RAB33B: variants seen among roughly 807,000 people sequenced by gnomAD.
RAB33B encodes RAB33B, member RAS oncogene family.
In RAB33B, 6 loss-of-function variants were observed where a neutral mutation model predicts 15.0. That is an observed-to-expected ratio of 0.40 (90% CI 0.22 to 0.79). The LOEUF (loss-of-function observed/expected upper bound fraction) is 0.79. RAB33B is among the 30% of genes least tolerant of loss of function. The probability of loss-of-function intolerance (pLI) is 0.37; values close to 1 mark genes in which losing one functional copy is unlikely to be tolerated. For missense variants in RAB33B, 257 were observed against 296.4 expected, an observed-to-expected ratio of 0.87 and a Z score of 0.98; for synonymous variants, 117 against 108.3, an observed-to-expected ratio of 1.08 and a Z score of -0.50.
chr4:139,439,897 T>G, the RAB33B span, among the ~76,000 whole-genome samples: 2 of 152,182 alleles, frequency 1.3e-5, no homozygotes, highest in Non-Finnish European at 2.9e-5. Flanking sequence ...TCTATCTGTT[T>G]TTGATATTTC....
Position 139,464,396 on chromosome 4 carries a change from T to TCG in RAB33B, c.250-8290_250-8289insCG, listed in dbSNP as rs1183731172. On this transcript the variant is annotated intron_variant, in intron 1 of 1. Coordinates refer to ENST00000305626, the MANE Select transcript of RAB33B (RefSeq NM_031296.3). Reference sequence around the variant, plus strand: ...GGGAAGAGGAATACTGTTTTTTTTTTTTTTTTTTTTTTTTTTATACTTTAA... The same window carrying TCG: ...GGGAAGAGGAATACTGTTTTTTTTTTCGTTTTTTTTTTTTTTTTATACTTTAA... Among the ~76,000 whole-genome samples the TCG allele has an allele frequency of 1.7e-3, 241 of 145,500 alleles. 1 individual carries two copies. The highest frequency in any genetic ancestry group is 5.0e-3 in the African/African-American group (198 of 39,618).
intron 1 of RAB33B, among the ~76,000 whole-genome samples, chr4:139,470,933 CCCTCT>C (rs552278329): frequency 3.9e-5 from 6 of 152,186 alleles, no homozygotes; most frequent in Admixed American, 1.3e-4. Context: ...CCCCACTCTT[CCCTCT>C]CCTCTCCTCT....
At chr4:139,463,300 A>G (rs1263344079) in intron 1 of RAB33B, among the ~76,000 whole-genome samples, 1 of 152,050 alleles carries the variant, frequency 6.6e-6, no homozygotes, top group Non-Finnish European at 1.5e-5. Flanking sequence ...CACCTGGCTA[A>G]TTTTTCTGTA....
intron 1 of RAB33B, among the ~76,000 whole-genome samples, chr4:139,463,398 A>T (rs1221035166): frequency 2.0e-5 from 3 of 152,146 alleles, no homozygotes; most frequent in African/African-American, 7.2e-5. Context: ...GGCCTCCCAA[A>T]GTGCTGTGAT....
intron 1 of RAB33B, among the ~76,000 whole-genome samples, chr4:139,467,961 GT>G (rs35010426): frequency 0.53 from 71,632 of 133,892 alleles, 17,471 homozygotes; most frequent in Admixed American, 0.63. Context: ...CATTCTTTCT[GT>G]TTTTTTTTTT....
intron 1 of RAB33B, among the ~76,000 whole-genome samples, chr4:139,459,502 T>G (rs1340006561): frequency 6.6e-6 from 1 of 152,160 alleles, no homozygotes; most frequent in African/African-American, 2.4e-5. Context: ...TTTTAGCACC[T>G]TACCTGAACC....
chr4:139,450,944 G>A (rs1401239902), upstream of RAB33B: 14 of 142,520 alleles, frequency 9.8e-5, no homozygotes, highest in African/African-American at 2.6e-4. Flanking sequence ...TCTTGTCCCC[G>A]AGGCTGAAGT....
the RAB33B span, among the ~76,000 whole-genome samples, chr4:139,445,675 C>T: frequency 1.4e-4 from 22 of 152,224 alleles, no homozygotes; most frequent in Middle Eastern, 3.4e-3. Flanking sequence ...CTGAGTGACC[C>T]GAAAGGCTGC....
chr4:139,476,405 G>A lies in RAB33B; in HGVS notation c.*3279G>A, dbSNP rs1395192717. On this transcript the variant is annotated 3_prime_UTR_variant, in exon 2 of 2. Transcript: ENST00000305626. ...TTTATTTTACGTATAAGTTACCCTTGTGTTCAAACACAAAATTGACATTAT... is the reference window on the plus strand; with the variant it reads ...TTTATTTTACGTATAAGTTACCCTTATGTTCAAACACAAAATTGACATTAT... The A allele has an allele frequency of 6.6e-6, 1 of 152,146 alleles. No individual in the cohort carries two copies. The highest frequency in any genetic ancestry group is 1.5e-5 in the Non-Finnish European group (1 of 68,036). 9.4% of individuals were successfully genotyped at this position (152,146 alleles called of 1,614,324 possible). A position where few individuals can be genotyped will look rare whatever the true frequency, so the allele number is the denominator to read the frequency against.
At chr4:139,441,632 C>A in the RAB33B span, among the ~76,000 whole-genome samples, 1 of 152,206 alleles carries the variant, frequency 6.6e-6, no homozygotes, top group African/African-American at 2.4e-5. Flanking sequence ...CTGAAAATAT[C>A]TTAAGTCAAA....
At chr4:139,465,184 C>A (rs1750258904) in intron 1 of RAB33B, among the ~76,000 whole-genome samples, 4 of 152,300 alleles carry the variant, frequency 2.6e-5, no homozygotes, top group African/African-American at 9.6e-5. Context: ...GCATAAATGT[C>A]TTCTTTTGAG....
rs1257124898 is a variant in RAB33B at position 139,475,495 on chromosome 4, G to A, written c.*2369G>A. ...ATTTGTTTTAATTTTTTATATATAT[G>A]TTTTTATTTTTAAAAAACATACCAG... On this transcript the variant is annotated 3_prime_UTR_variant, in exon 2 of 2. Transcript: ENST00000305626. The A allele has an allele frequency of 6.6e-6, 1 of 151,474 alleles. No homozygotes were observed. 9.4% of individuals were successfully genotyped at this position (151,474 alleles called of 1,614,324 possible). A position where few individuals can be genotyped will look rare whatever the true frequency, so the allele number is the denominator to read the frequency against.
chr4:139,464,053 A>C (rs1025035703), intron 1 of RAB33B, among the ~76,000 whole-genome samples: 5 of 152,186 alleles, frequency 3.3e-5, no homozygotes, highest in Non-Finnish European at 5.9e-5. Context: ...TGGGAGGATC[A>C]CTTGACCCCA....
chr4:139,459,027 A>G lies in RAB33B; in HGVS notation c.249+4583A>G, dbSNP rs1292275694. On this transcript the variant is annotated intron_variant, in intron 1 of 1. Transcript: ENST00000305626. Reference sequence around the variant, plus strand: ...GATTAGTGATGTTGAGCATTTTTTCATATGCTTTTTGGCCACAGATATATC... The same window carrying G: ...GATTAGTGATGTTGAGCATTTTTTCGTATGCTTTTTGGCCACAGATATATC... 4.0e-5 allele frequency among the ~76,000 whole-genome samples: 6 copies of G among 151,008 alleles called. No individual in the cohort carries two copies. In the South Asian group the frequency reaches 6.3e-4, roughly 16 times the overall value.
In RAB33B at chr4:139,474,707, CTAAA is replaced by C. The variant is rs1253922949; in HGVS notation, c.*1584_*1587del. The C allele has an allele frequency of 6.6e-6, 1 of 152,508 alleles. No individual in the cohort carries two copies. The highest frequency in any genetic ancestry group is 3.2e-3 in the Middle Eastern group (1 of 316). The allele number at this position is 152,508 out of a possible 1,614,324, so 9.4% of individuals were successfully genotyped here. On this transcript the variant is annotated 3_prime_UTR_variant, in exon 2 of 2. Transcript: ENST00000305626. ...AGAATATTTCAAGAAGTTTTTTAAC[CTAAA>C]TACTTTTATTTTGAATTTAAGTCTT... is the stretch of plus-strand genomic sequence containing the variant.
intron 1 of RAB33B, among the ~76,000 whole-genome samples, chr4:139,467,560 G>A (rs1750313827): frequency 6.6e-6 from 1 of 151,504 alleles, no homozygotes; most frequent in Non-Finnish European, 1.5e-5. Context: ...TATCCTTTGA[G>A]TTACAGACAA....
intron 1 of RAB33B, among the ~76,000 whole-genome samples, chr4:139,471,348 C>A (rs1385309938): frequency 6.6e-6 from 1 of 152,138 alleles, no homozygotes; most frequent in African/African-American, 2.4e-5. Flanking sequence ...TTGCTGTGTT[C>A]TCCTTTTCCC....
rs753676031 is a variant in RAB33B at position 139,473,395 on chromosome 4, A to C, written c.*269A>C. On this transcript the variant is annotated 3_prime_UTR_variant, in exon 2 of 2. Transcript: ENST00000305626. ...CTAGAGCCCAATGAAGGAAGCTTCA[A>C]ATGAGAACATGATGGAATCAGTAAC... The C allele has an allele frequency of 1.9e-5, 8 of 432,124 alleles. No individual in the cohort carries two copies. Among genetic ancestry groups the C allele is most frequent in the Non-Finnish European group, 2.9e-5 (7 of 244,090 alleles). 26.8% of individuals were successfully genotyped at this position (432,124 alleles called of 1,614,324 possible).
upstream of RAB33B, chr4:139,449,270 A>C (rs1431439458): frequency 6.6e-6 from 1 of 152,126 alleles, no homozygotes; most frequent in Non-Finnish European, 1.5e-5. Flanking sequence ...TGTACAAAGG[A>C]TAGTTGTATT....
Sources: gnomAD v4.1 joint callset for allele counts (sites outside exome capture counted in the v4.1 genomes callset) on GRCh38, gnomAD v4.1.1 for gene constraint, MANE v1.5 for transcripts, NCBI Gene and HGNC (gene_info 2026-07-23, HGNC 2026-07-21) for gene names.